The following LYSMD4 variants were observed in gnomAD, a reference collection of about 807,000 sequenced individuals.
The protein encoded by LYSMD4 is LysM domain containing 4.
Under a neutral mutation model 6.1 loss-of-function variants are expected in LYSMD4, and 9 were observed. That is an observed-to-expected ratio of 1.47 (90% CI 0.88 to 2.56). LYSMD4 has a LOEUF of 2.56. Among genes scored for constraint, LYSMD4 ranks in the 30% most tolerant of loss-of-function variants. The pLI, the probability that LYSMD4 is intolerant of heterozygous loss-of-function variation, is 0.00. For missense variants in LYSMD4, 384 were observed against 373.5 expected (o/e 1.03, Z -0.23); for synonymous variants, 143 against 148.5 (o/e 0.96, Z 0.27).
intron 1 of LYSMD4, 146 bp from the exon 2 acceptor site, chr15:99,732,153 A>C: frequency 2.4e-6 from 2 of 845,850 alleles, no homozygotes; most frequent in Non-Finnish European, 3.5e-6. Flanking sequence ...AAAAAAAAGA[A>C]TGTGCTTATG....
chr15:99,731,778 C>T lies in LYSMD4; in HGVS notation c.222G>A (p.Leu74=), dbSNP rs1323941917. ...PQAGAGDVVL[L]QRELAQEDSL... is the part of the protein sequence containing the mutation. The stretch of plus-strand genomic sequence containing the variant: ...TGTCCTCCTGGGCCAGCTCCCGCTG[C>T]AGCAGCACCACGTCACCTGCTCCCG... The change falls in exon 2 of 3, where the codon CTG becomes CTA. Residue 74 remains leucine, a synonymous_variant. Coordinates refer to ENST00000684762, the MANE Select transcript of LYSMD4 (RefSeq NM_001284417.2). The T allele has an allele frequency of 6.2e-7, 1 of 1,610,892 alleles. No homozygotes were observed.
At chr15:99,731,028 C>A in intron 2 of LYSMD4, 2 of 735,922 alleles carry the variant, frequency 2.7e-6, no homozygotes, top group Non-Finnish European at 4.5e-6. Flanking sequence ...AGATAAGACA[C>A]TTGTAGGAGA....
chr15:99,733,329 G>A lies in LYSMD4; in HGVS notation c.-9+16C>T, dbSNP rs1213817287. ...TCCCTAGCCAGACCGCGGCCCCCTC[G>A]TCCAGGCCCCGGTACCTCAGCGCCC... On this transcript the variant is annotated intron_variant, in intron 1 of 2. Coordinates refer to ENST00000684762, the MANE Select transcript of LYSMD4 (RefSeq NM_001284417.2). The A allele has an allele frequency of 2.5e-6, 1 of 392,534 alleles. No homozygotes were observed. The highest frequency in any genetic ancestry group is 1.3e-4 in the South Asian group (1 of 7,826). The allele number at this position is 392,534 out of a possible 1,614,324, so 24.3% of individuals were successfully genotyped here.
upstream of LYSMD4, among the ~76,000 whole-genome samples, chr15:99,721,580 C>T (rs920687345): frequency 1.3e-5 from 2 of 152,142 alleles, no homozygotes; most frequent in African/African-American, 4.8e-5. Context: ...AAAAATCTGC[C>T]CCTTTTGGCT....
At chr15:99,733,286 G>T (rs919851175) in intron 1 of LYSMD4, 59 bp downstream of exon 1, 5 of 387,774 alleles carry the variant, frequency 1.3e-5, no homozygotes, top group Non-Finnish European at 2.3e-5. Flanking sequence ...TCGCCGTACC[G>T]CCATGAGCCC....
Position 99,727,842 on chromosome 15 carries a change from CCT to C in LYSMD4, c.*1279_*1280del. On this transcript the variant is annotated 3_prime_UTR_variant, in exon 3 of 3. Coordinates refer to ENST00000684762, the MANE Select transcript of LYSMD4 (RefSeq NM_001284417.2). ...CCACCGAGCATCTGGGCAGTGTCTG[CCT>C]CCTGTCCAGAACTCTTGGAGGCCGG... is the stretch of plus-strand genomic sequence containing the variant. 6.6e-6 allele frequency: 1 copy of C among 152,356 alleles called. No homozygotes were observed. The highest frequency in any genetic ancestry group is 2.1e-4 in the South Asian group (1 of 4,838). The allele number at this position is 152,356 out of a possible 1,614,324, so 9.4% of individuals were successfully genotyped here.
chr15:99,725,520 G>A (rs11247124), downstream of LYSMD4, among the ~76,000 whole-genome samples: 28,887 of 151,972 alleles, frequency 0.19, 3,272 homozygotes, highest in East Asian at 0.31. Context: ...GCTGGACTTC[G>A]TGGCCCCCAC....
intron 2 of LYSMD4, 187 bp downstream of exon 2, chr15:99,731,531 G>T: frequency 1.3e-6 from 2 of 1,555,096 alleles, no homozygotes; most frequent in Non-Finnish European, 1.7e-6. Context: ...GGGGGCCAGG[G>T]TTGGGAACTA....
upstream of LYSMD4, among the ~76,000 whole-genome samples, chr15:99,719,110 A>G (rs1436906586): frequency 1.3e-5 from 2 of 152,226 alleles, no homozygotes; most frequent in Non-Finnish European, 2.9e-5. Context: ...AGAACTGCCC[A>G]TACCCGTGTA....
At position 99,729,511 on chromosome 15, in the gene LYSMD4, C is replaced by A; in HGVS notation, c.503G>T (p.Gly168Val). ...ATCCTGGTCAATCCCCTTAAAGAAG[C>A]CCATCAGTTGGCCGGCCTGGGCACC... ...GTGAQAGQLMGFFKGIDQDIE... is the reference protein window; with the variant it reads ...GTGAQAGQLMVFFKGIDQDIE... Residue 168 changes from glycine to valine, a missense_variant, in exon 3 of 3, where the codon GGC becomes GTC. Physicochemically the swap from Gly to Val is moderately radical, Grantham distance 109. Coordinates refer to ENST00000684762, the MANE Select transcript of LYSMD4 (RefSeq NM_001284417.2). The A allele has an allele frequency of 6.2e-7, 1 of 1,614,130 alleles. No homozygotes were observed. Among genetic ancestry groups the A allele is most frequent in the Non-Finnish European group, 8.5e-7 (1 of 1,180,012 alleles).
At chr15:99,721,847 A>G (rs1442530484), upstream of LYSMD4, among the ~76,000 whole-genome samples, 2 of 152,252 alleles carry the variant, frequency 1.3e-5, no homozygotes, top group African/African-American at 4.8e-5. Context: ...CTGAGAGACC[A>G]GAAATAAACC....
Position 99,732,020 on chromosome 15 carries a change from C to G in LYSMD4, c.-8-13G>C. The G allele has an allele frequency of 6.5e-7, 1 of 1,537,750 alleles. No individual in the cohort carries two copies. The highest frequency in any genetic ancestry group is 8.8e-7 in the Non-Finnish European group (1 of 1,136,224). Reference sequence around the variant, plus strand: ...CTCATTTTCTTCACTGAAAATCAAGCCGGAGGGTTAATTCCACAGAAGACA... The same window carrying G: ...CTCATTTTCTTCACTGAAAATCAAGGCGGAGGGTTAATTCCACAGAAGACA... On this transcript the variant is annotated splice_polypyrimidine_tract_variant and intron_variant, in intron 1 of 2. Coordinates refer to ENST00000684762, the MANE Select transcript of LYSMD4 (RefSeq NM_001284417.2).
downstream of LYSMD4, among the ~76,000 whole-genome samples, chr15:99,726,478 TCTC>T (rs1300409471): frequency 6.6e-6 from 1 of 151,826 alleles, no homozygotes; most frequent in East Asian, 1.9e-4. Flanking sequence ...TTCAGGCACA[TCTC>T]CTCCCACCCC....
chr15:99,733,091 GGGCTCCAC>G (rs1003367095), intron 1 of LYSMD4: 137 of 358,084 alleles, frequency 3.8e-4, no homozygotes, highest in Middle Eastern at 1.4e-3. Flanking sequence ...CCCGGCCCCA[GGGCTCCAC>G]GGCTCCACGG....
chr15:99,729,414 C>T lies in LYSMD4; in HGVS notation c.600G>A (p.Leu200=). ...TAGGCGTCTTCGGAGGTGCCGGGAG[C>T]AGTGGCTGATGGGAGGTGTCCATGC... ...SYCMDTSHQP[L]LPAPPKTPMD... Residue 200 remains leucine, a synonymous_variant, in exon 3 of 3, where the codon CTG becomes CTA. Coordinates refer to ENST00000684762, the MANE Select transcript of LYSMD4 (RefSeq NM_001284417.2). The T allele has an allele frequency of 6.2e-7, 1 of 1,614,200 alleles. No homozygotes were observed. Among genetic ancestry groups the T allele is most frequent in the Non-Finnish European group, 8.5e-7 (1 of 1,180,038 alleles).
chr15:99,721,680 G>A (rs532150015), upstream of LYSMD4, among the ~76,000 whole-genome samples: 8 of 152,238 alleles, frequency 5.3e-5, no homozygotes, highest in East Asian at 7.7e-4. Context: ...GTCTTGCCCC[G>A]TCATGCCACC....
rs145297651 is a variant in LYSMD4 at position 99,729,530 on chromosome 15, G to A, written c.484C>T (p.Gln162Ter). 5.0e-6 allele frequency: 8 copies of A among 1,613,974 alleles called. No individual in the cohort carries two copies. Among genetic ancestry groups the A allele is most frequent in the African/African-American group, 4.0e-5 (3 of 74,904 alleles). Reference protein sequence around the residue: ...ADRAGAGTGAQAGQLMGFFKG... With the variant: ...ADRAGAGTGA ...AAGAAGCCCATCAGTTGGCCGGCCT[G>A]GGCACCGGTGCCCGCGCCTGCTCTG... Residue 162 changes from glutamine (Q) to a stop codon, truncating the protein, a stop_gained, in exon 3 of 3, where the codon CAG becomes TAG. Transcript: ENST00000684762. LOFTEE classifies it low-confidence loss of function (END_TRUNC).
upstream of LYSMD4, among the ~76,000 whole-genome samples, chr15:99,718,925 A>G (rs536462391): frequency 0.013 from 1,949 of 151,694 alleles, 14 homozygotes; most frequent in Non-Finnish European, 0.022. Context: ...ACACACACAC[A>G]CACACACACA....
chr15:99,730,414 G>A lies in LYSMD4; in HGVS notation c.283-683C>T, dbSNP rs116265538. On this transcript the variant is annotated intron_variant, in intron 2 of 2. Coordinates refer to ENST00000684762, the MANE Select transcript of LYSMD4 (RefSeq NM_001284417.2). ...ACAAACTCCTCTCATAATCAAACAC[G>A]AAGATTTAAGAAGCAGGGAGAATGT... 1.9e-3 allele frequency among the ~76,000 whole-genome samples: 229 copies of A among 118,686 alleles called. 1 individual carries two copies. Among genetic ancestry groups the A allele is most frequent in the African/African-American group, 5.3e-3 (191 of 36,158 alleles). The allele number at this position is 118,686 out of a possible 152,430, so 77.9% of individuals were successfully genotyped here.
Sources: gnomAD v4.1 joint callset for allele counts (sites outside exome capture counted in the v4.1 genomes callset) on GRCh38, gnomAD v4.1.1 for gene constraint, MANE v1.5 for transcripts, NCBI Gene and HGNC (gene_info 2026-07-23, HGNC 2026-07-21) for gene names.